The following HFE variants were observed in gnomAD, a reference collection of about 807,000 sequenced individuals.
HFE encodes the protein homeostatic iron regulator.
A neutral mutation model predicts 40.9 loss-of-function variants in HFE; 36 were observed. The ratio of observed to expected loss-of-function variants is 0.88; its 90% confidence interval spans 0.67 to 1.16. HFE has a LOEUF of 1.16. Ranked by LOEUF, HFE falls within the 50% of genes most tolerant of loss-of-function variation. HFE has a pLI of 0.00. For synonymous variants in HFE, 157 were observed against 165.4 expected (o/e 0.95, Z 0.39); for missense variants, 376 against 432.0 (o/e 0.87, Z 1.15).
chr6:26,090,496 TG>T (rs1473904360), intron 1 of HFE, among the ~76,000 whole-genome samples: 1 of 145,424 alleles, frequency 6.9e-6, no homozygotes, highest in African/African-American at 2.5e-5. Flanking sequence ...CCTCAGGATT[TG>T]GGTCTAATTT....
intron 1 of HFE, among the ~76,000 whole-genome samples, chr6:26,089,057 C>G (rs570772628): frequency 7.6e-6 from 1 of 131,766 alleles, no homozygotes; most frequent in African/African-American, 2.9e-5. Flanking sequence ...GTGGGCCTGG[C>G]AAGTTGGATT....
intron 1 of HFE, 40 bp downstream of exon 1, chr6:26,087,556 G>A: frequency 1.3e-6 from 2 of 1,576,572 alleles, no homozygotes; most frequent in Non-Finnish European, 1.7e-6. Context: ...GGCGCGGCGG[G>A]GGTGGAAAAA....
rs527924610 is a variant in HFE at position 26,092,296 on chromosome 6, T to TTAGAA, written c.617-389_617-388insTAGAA. On this transcript the variant is annotated intron_variant, in intron 3 of 5. Coordinates refer to ENST00000357618, the MANE Select transcript of HFE (RefSeq NM_000410.4). ...GAATCCTTTAGGTTAAAAGTTTCTTTCATAGAACATAGCAATAATCACTGA... is the reference window on the plus strand; with the variant it reads ...GAATCCTTTAGGTTAAAAGTTTCTTTTAGAACATAGAACATAGCAATAATCACTGA... Among the ~76,000 whole-genome samples the TTAGAA allele has an allele frequency of 1.7e-3, 263 of 152,198 alleles. 1 individual carries two copies. The Middle Eastern group carries it at 0.027, about 16-fold the overall frequency.
Position 26,094,508 on chromosome 6 carries a change from G to A in HFE, c.*282G>A, listed in dbSNP as rs969895415. The A allele has an allele frequency of 2.8e-5, 20 of 702,262 alleles. No individual in the cohort carries two copies. The highest frequency in any genetic ancestry group is 1.6e-4 in the South Asian group (11 of 67,526). The allele number at this position is 702,262 out of a possible 1,614,324, so 43.5% of individuals were successfully genotyped here. On this transcript the variant is annotated 3_prime_UTR_variant, in exon 6 of 6. Coordinates refer to ENST00000357618, the MANE Select transcript of HFE (RefSeq NM_000410.4). ...TCTAGAGGCTTCCTTCATTTCCTCC[G>A]TCACCTCAGAGACATACACCTATGT...
Position 26,096,464 on chromosome 6 carries a change from T to C in HFE, c.*2238T>C, listed in dbSNP as rs1381444730. On this transcript the variant is annotated 3_prime_UTR_variant, in exon 6 of 6. Transcript: ENST00000357618. Reference sequence around the variant, plus strand: ...AAGAGTCTTAATATATATATCCAGATGGCATGTGTTTACTTTATGTTACTA... The same window carrying C: ...AAGAGTCTTAATATATATATCCAGACGGCATGTGTTTACTTTATGTTACTA... The C allele has an allele frequency of 1.1e-5, 5 of 456,268 alleles. No homozygotes were observed. Among genetic ancestry groups the C allele is most frequent in the African/African-American group, 4.0e-5 (2 of 50,054 alleles). The allele number at this position is 456,268 out of a possible 1,614,324, so 28.3% of individuals were successfully genotyped here.
chr6:26,088,262 C>A (rs1414089198), intron 1 of HFE, among the ~76,000 whole-genome samples: 2 of 152,184 alleles, frequency 1.3e-5, no homozygotes, highest in Non-Finnish European at 2.9e-5. Context: ...AATTAAGAGG[C>A]CTCTCTACAA....
Position 26,096,386 on chromosome 6 carries a change from G to A in HFE, c.*2160G>A, listed in dbSNP as rs1359852663. 6 of 451,230 alleles carry A rather than the reference G, an allele frequency of 1.3e-5. No individual in the cohort carries two copies. Among genetic ancestry groups the A allele is most frequent in the South Asian group, 4.7e-5 (3 of 63,932 alleles). 28.0% of individuals were successfully genotyped at this position (451,230 alleles called of 1,614,324 possible). ...CCTGACCTCGTGATCCGCCTGCCTCGGCCTCCCAAAGTGCTGAGATTACAG... is the reference window on the plus strand; with the variant it reads ...CCTGACCTCGTGATCCGCCTGCCTCAGCCTCCCAAAGTGCTGAGATTACAG... On this transcript the variant is annotated 3_prime_UTR_variant, in exon 6 of 6. Coordinates refer to ENST00000357618, the MANE Select transcript of HFE (RefSeq NM_000410.4).
chr6:26,093,155 T>A lies in HFE; in HGVS notation c.929T>A (p.Ile310Asn). The A allele has an allele frequency of 6.2e-7, 1 of 1,614,140 alleles. No homozygotes were observed. ...TCTGGCACCCTAGTCATTGGAGTCA[T>A]CAGTGGAATTGCTGTTTTTGTCGTC... ...SPSGTLVIGV[I>N]SGIAVFVVIL... is the part of the protein sequence containing the mutation. Residue 310 changes from isoleucine (I) to asparagine (N), a missense_variant, in exon 5 of 6, where the codon ATC becomes AAC. This residue lies in a region of HFE where 173 missense variants were observed against 186.9 expected (regional missense o/e 0.93). Transcript: ENST00000357618.
chr6:26,087,462 G>C lies in HFE; in HGVS notation c.22G>C (p.Ala8Pro), dbSNP rs903564153. The change falls in exon 1 of 6, where the codon GCG becomes CCG. Residue 8 changes from alanine (A) to proline (P), a missense_variant. Coordinates refer to ENST00000357618, the MANE Select transcript of HFE (RefSeq NM_000410.4). Reference protein sequence around the residue: MGPRARPALLLLMLLQTA... With the variant: MGPRARPPLLLLMLLQTA... The stretch of plus-strand genomic sequence containing the variant: ...GGAAATGGGCCCGCGAGCCAGGCCG[G>C]CGCTTCTCCTCCTGATGCTTTTGCA... The C allele has an allele frequency of 1.2e-6, 2 of 1,614,112 alleles. No homozygotes were observed. The highest frequency in any genetic ancestry group is 1.3e-5 in the African/African-American group (1 of 75,074).
intron 4 of HFE, 79 bp from the exon 5 acceptor site, chr6:26,093,040 T>C (rs1363432479): frequency 6.2e-7 from 1 of 1,613,824 alleles, no homozygotes; most frequent in African/African-American, 1.3e-5. Flanking sequence ...ATTATGGCAG[T>C]GAGATGAGGA....
intron 1 of HFE, among the ~76,000 whole-genome samples, chr6:26,089,029 A>G (rs1370466513): frequency 7.0e-6 from 1 of 142,972 alleles, no homozygotes; most frequent in Non-Finnish European, 1.5e-5. Context: ...TGGGAGCAGT[A>G]TTTCCCAGGC....
In HFE at chr6:26,091,454, A is replaced by C; in HGVS notation, c.481A>C (p.Arg161=). The C allele has an allele frequency of 6.2e-7, 1 of 1,614,194 alleles. No individual in the cohort carries two copies. Among genetic ancestry groups the C allele is most frequent in the Non-Finnish European group, 8.5e-7 (1 of 1,180,030 alleles). Reference sequence around the variant, plus strand: ...ACTGGATTGGAGAGCAGCAGAACCCAGGGCCTGGCCCACCAAGCTGGAGTG... The same window carrying C: ...ACTGGATTGGAGAGCAGCAGAACCCCGGGCCTGGCCCACCAAGCTGGAGTG... ...DTLDWRAAEP[R]AWPTKLEWER... Residue 161 remains arginine (R), a synonymous_variant, in exon 3 of 6, where the codon AGG becomes CGG. Transcript: ENST00000357618.
chr6:26,089,136 A>G (rs1162854767), intron 1 of HFE, among the ~76,000 whole-genome samples: 28 of 115,654 alleles, frequency 2.4e-4, no homozygotes, highest in East Asian at 5.5e-4. Flanking sequence ...TGGGGGTGGG[A>G]AGGGGGACTA....
In HFE at chr6:26,096,853, C is replaced by T; in HGVS notation, c.*2627C>T. The stretch of plus-strand genomic sequence containing the variant: ...TATACTGCATGATTTTATTGAAGTT[C>T]TTGTTCATCTTGTGTATATACTTAA... On this transcript the variant is annotated 3_prime_UTR_variant, in exon 6 of 6. Coordinates refer to ENST00000357618, the MANE Select transcript of HFE (RefSeq NM_000410.4). 1 of 285,256 alleles carries T rather than the reference C, an allele frequency of 3.5e-6. No individual in the cohort carries two copies. Among genetic ancestry groups the T allele is most frequent in the African/African-American group, 2.3e-5 (1 of 44,326 alleles). 17.7% of individuals were successfully genotyped at this position (285,256 alleles called of 1,614,324 possible). A position where few individuals can be genotyped will look rare whatever the true frequency, so the allele number is the denominator to read the frequency against.
chr6:26,093,128 C>T lies in HFE; in HGVS notation c.902C>T (p.Pro301Leu), dbSNP rs897206619. The T allele has an allele frequency of 7.4e-6, 12 of 1,613,908 alleles. No individual in the cohort carries two copies. Among genetic ancestry groups the T allele is most frequent in the African/African-American group, 2.7e-5 (2 of 74,902 alleles). Residue 301 changes from proline to leucine, a missense_variant, in exon 5 of 6, where the codon CCG becomes CTG. Around this residue, in one of 3 missense-constraint regions of HFE, gnomAD observed 173 missense variants for 186.9 expected, o/e 0.93. Transcript: ENST00000357618. ...GCTTTTTCTGTTTTAGAGCCCTCAC[C>T]GTCTGGCACCCTAGTCATTGGAGTC... ...QPLIVIWEPS[P>L]SGTLVIGVIS...
chr6:26,094,052 G>T (rs976163360), intron 5 of HFE, 134 bp from the exon 6 acceptor site: 49 of 856,050 alleles, frequency 5.7e-5, no homozygotes, highest in Non-Finnish European at 8.9e-5. Context: ...CCAGATGAGA[G>T]ATAATGGTTC....
Position 26,096,563 on chromosome 6 carries a change from G to A in HFE, c.*2337G>A, listed in dbSNP as rs774562056. ...CAGGTGCTTCAGGATACCATATACAGCTCAGAAGTTTCTTCTTTAGGCATT... is the reference window on the plus strand; with the variant it reads ...CAGGTGCTTCAGGATACCATATACAACTCAGAAGTTTCTTCTTTAGGCATT... On this transcript the variant is annotated 3_prime_UTR_variant, in exon 6 of 6. Coordinates refer to ENST00000357618, the MANE Select transcript of HFE (RefSeq NM_000410.4). 4.4e-6 allele frequency: 2 copies of A among 456,424 alleles called. No homozygotes were observed. The highest frequency in any genetic ancestry group is 3.1e-5 in the South Asian group (2 of 64,532). 28.3% of individuals were successfully genotyped at this position (456,424 alleles called of 1,614,324 possible). A position where few individuals can be genotyped will look rare whatever the true frequency, so the allele number is the denominator to read the frequency against.
At position 26,091,066 on chromosome 6, in the gene HFE, A is replaced by G. The variant is rs1762665449; in HGVS notation, c.302A>G (p.Asp101Gly). 1.9e-6 allele frequency: 3 copies of G among 1,614,098 alleles called. No individual in the cohort carries two copies. The East Asian group carries it at 6.7e-5, about 36-fold the overall frequency. Residue 101 changes from aspartate to glycine, a missense_variant, in exon 2 of 6, where the codon GAC becomes GGC. By Grantham distance (94) the Asp-to-Gly change is moderately conservative. This residue lies in a region of HFE where 200 missense variants were observed against 228.5 expected (regional missense o/e 0.88). Coordinates refer to ENST00000357618, the MANE Select transcript of HFE (RefSeq NM_000410.4). ...GGGTGGGATCACATGTTCACTGTTG[A>G]CTTCTGGACTATTATGGAAAATCAC... ...LKGWDHMFTV[D>G]FWTIMENHNH...
intron 5 of HFE, among the ~76,000 whole-genome samples, chr6:26,093,875 C>T (rs1324659436): frequency 6.6e-6 from 1 of 151,928 alleles, no homozygotes; most frequent in Non-Finnish European, 1.5e-5. Flanking sequence ...AGAAAGAAGC[C>T]AGCTCATACA....
Sources: allele counts gnomAD v4.1 joint callset (sites outside exome capture counted in the v4.1 genomes callset), GRCh38; gene constraint gnomAD v4.1.1; regional missense constraint gnomAD v4.1.1; transcripts MANE v1.5; gene names NCBI Gene and HGNC (gene_info 2026-07-23, HGNC 2026-07-21).